The following OCA2 variants were observed in gnomAD, a reference collection of about 807,000 sequenced individuals.
OCA2 encodes P protein.
OCA2 carries 77 observed loss-of-function variants against 100.2 expected under a neutral mutation model. The ratio of observed to expected loss-of-function variants is 0.77; its 90% CI spans 0.64 to 0.93. OCA2 has a LOEUF of 0.93. Ranked by LOEUF, OCA2 falls within the 40% of genes least tolerant of loss-of-function variation. The pLI is 0.00. For missense variants in OCA2, 1,062 were observed against 1,089.1 expected, an observed-to-expected ratio of 0.98 and a Z score of 0.35; for synonymous variants, 432 against 439.2, an observed-to-expected ratio of 0.98 and a Z score of 0.21.
chr15:27,748,119 A>C, the OCA2 span, among the ~76,000 whole-genome samples: 2 of 152,218 alleles, frequency 1.3e-5, no homozygotes, highest in African/African-American at 4.8e-5. Flanking sequence ...ATACCAGGTC[A>C]GCCCAGAAGA....
In OCA2 at chr15:28,016,105, T is replaced by G. The variant is rs1002347290; in HGVS notation, c.889A>C (p.Arg297=). The G allele has an allele frequency of 2.5e-6, 4 of 1,613,556 alleles. No individual in the cohort carries two copies. Among genetic ancestry groups the G allele is most frequent in the Admixed American group, 1.7e-5 (1 of 60,004 alleles). The change falls in exon 8 of 24, where the codon AGA becomes CGA. Residue 297 remains arginine (R), a splice_region_variant and synonymous_variant. Transcript: ENST00000354638. ...ACACCTCACTCACTGAGAACTCACC[T>G]GGTCAGTACCTCAAAGGTCCTGCTC... ...VMSRTFEVLT[R]ETVSISIRAS...
chr15:27,790,746 G>C (rs11858694), intron 23 of OCA2, among the ~76,000 whole-genome samples: 41,893 of 151,390 alleles, frequency 0.28, 6,846 homozygotes, highest in Non-Finnish European at 0.37. Context: ...CACCTCAAAT[G>C]GTAAAATTTA....
chr15:28,047,898 G>A (rs2043392370), intron 2 of OCA2, among the ~76,000 whole-genome samples: 4 of 152,110 alleles, frequency 2.6e-5, no homozygotes, highest in Admixed American at 2.0e-4. Context: ...GAAAGCTACT[G>A]AGCTAATAAA....
At chr15:28,076,192 A>G (rs113162479) in intron 2 of OCA2, among the ~76,000 whole-genome samples, 60 of 152,242 alleles carry the variant, frequency 3.9e-4, no homozygotes, top group Non-Finnish European at 7.5e-4. Flanking sequence ...AAATGCAAGC[A>G]GACAGTAATG....
the OCA2 span, among the ~76,000 whole-genome samples, chr15:27,731,899 A>G: frequency 6.6e-6 from 1 of 152,248 alleles, no homozygotes; most frequent in Non-Finnish European, 1.5e-5. Flanking sequence ...TAAGCCATCA[A>G]TAAGCAAAAA....
At chr15:28,095,488 G>A (rs190860889) in intron 1 of OCA2, among the ~76,000 whole-genome samples, 11 of 152,222 alleles carry the variant, frequency 7.2e-5, no homozygotes, top group African/African-American at 2.6e-4. Context: ...AGACCAAGGC[G>A]GACGGATCAC....
At chr15:27,886,658 A>C (rs1774769213) in intron 19 of OCA2, among the ~76,000 whole-genome samples, 2 of 152,222 alleles carry the variant, frequency 1.3e-5, no homozygotes, top group South Asian at 4.1e-4. Context: ...AAATATTTTA[A>C]AGTTAGGTCC....
chr15:27,868,295 G>A (rs372645780), intron 21 of OCA2, among the ~76,000 whole-genome samples: 1 of 152,146 alleles, frequency 6.6e-6, no homozygotes, highest in South Asian at 2.1e-4. Flanking sequence ...GAATAGCCAA[G>A]ACATGGGAAA....
rs968837544 is a variant in OCA2, at chr15:28,024,825, G to A, written c.573+20C>T. 6.2e-7 allele frequency: 1 copy of A among 1,613,992 alleles called. No homozygotes were observed. Among genetic ancestry groups the A allele is most frequent in the Non-Finnish European group, 8.5e-7 (1 of 1,179,830 alleles). On this transcript the variant is annotated intron_variant, in intron 5 of 23. Transcript: ENST00000354638. ...CTTCCACGGACCCAACAGTAGTGCTGGGGCAGCTAAGGTACTCACAGAACA... is the reference window on the plus strand; with the variant it reads ...CTTCCACGGACCCAACAGTAGTGCTAGGGCAGCTAAGGTACTCACAGAACA...
intron 19 of OCA2, chr15:27,896,206 C>CT: frequency 1.1e-6 from 1 of 921,014 alleles, no homozygotes; most frequent in Admixed American, 1.7e-5. Flanking sequence ...AGAGGCTTGT[C>CT]TATCCCTCAC....
chr15:27,826,173 A>C (rs1439608767), intron 23 of OCA2, among the ~76,000 whole-genome samples: 1 of 152,216 alleles, frequency 6.6e-6, no homozygotes, highest in Non-Finnish European at 1.5e-5. Flanking sequence ...GTGTTCTGGG[A>C]GACAGTGGAA....
intron 2 of OCA2, among the ~76,000 whole-genome samples, chr15:28,076,817 G>A (rs1022079585): frequency 2.2e-5 from 3 of 135,244 alleles, no homozygotes; most frequent in African/African-American, 3.0e-5. Flanking sequence ...ACTGCAGTCC[G>A]CAGTCCGGCC....
At chr15:28,001,668 C>T (rs2041930261) in intron 9 of OCA2, among the ~76,000 whole-genome samples, 1 of 151,960 alleles carries the variant, frequency 6.6e-6, no homozygotes, top group Non-Finnish European at 1.5e-5. Flanking sequence ...AGAGAAACTT[C>T]CAAATGACTT....
chr15:28,014,793 C>T lies in OCA2; in HGVS notation c.1027G>A (p.Ala343Thr), dbSNP rs756251130. The T allele has an allele frequency of 3.4e-5, 55 of 1,613,564 alleles. 1 individual carries two copies. The South Asian group carries it at 4.4e-4, about 13-fold the overall frequency. ...AAAGTTACCTCAAATATGATCAGCG[C>T]GTAGACGCCCGCGAGGATGGCCGTC... is the stretch of plus-strand genomic sequence containing the variant. ...IATAILAGVY[A>T]LIIFEIVHRT... is the part of the protein sequence containing the mutation. Residue 343 changes from alanine (A) to threonine (T), a missense_variant, in exon 9 of 24, where the codon GCG (alanine) becomes ACG (threonine). By Grantham distance (58) the Ala-to-Thr change is moderately conservative. Transcript: ENST00000354638.
chr15:27,759,802 G>T (rs2030686803), intron 23 of OCA2, among the ~76,000 whole-genome samples: 1 of 152,088 alleles, frequency 6.6e-6, no homozygotes, highest in Non-Finnish European at 1.5e-5. Flanking sequence ...ATTCATGGAA[G>T]AACTAGAAAG....
In OCA2 at chr15:27,780,096, G is replaced by T. The variant is rs76764060; in HGVS notation, c.2433-24624C>A. 4.7e-3 allele frequency among the ~76,000 whole-genome samples: 711 copies of T among 152,290 alleles called. 5 individuals are homozygous for T. Among genetic ancestry groups the T allele is most frequent in the African/African-American group, 0.016 (676 of 41,550 alleles). ...ACTGAAAGCAGAGTTCTCTCAAAGA[G>T]ATTTTTTAATGTGTCTGATCCCTAC... On this transcript the variant is annotated intron_variant, in intron 23 of 23. Coordinates refer to ENST00000354638, the MANE Select transcript of OCA2 (RefSeq NM_000275.3).
At chr15:27,752,616 C>T (rs1447950431), downstream of OCA2, among the ~76,000 whole-genome samples, 1 of 152,170 alleles carries the variant, frequency 6.6e-6, no homozygotes, top group African/African-American at 2.4e-5. Flanking sequence ...TGGCTTCCAG[C>T]TAGCTCAGTC....
chr15:27,987,365 A>G (rs2041388595), intron 11 of OCA2, among the ~76,000 whole-genome samples: 1 of 152,170 alleles, frequency 6.6e-6, no homozygotes, highest in South Asian at 2.1e-4. Context: ...GGCAGTCACC[A>G]TGTGTTGAAC....
Position 27,890,491 on chromosome 15 carries a change from C to T in OCA2, c.2080-18569G>A, listed in dbSNP as rs138867780. 2.2e-3 allele frequency among the ~76,000 whole-genome samples: 332 copies of T among 152,258 alleles called. 1 individual carries two copies. The highest frequency in any genetic ancestry group is 7.5e-3 in the African/African-American group (310 of 41,552). ...GTACTATGCGTTACCTACAGGAAAA[C>T]ACAAATTCAAATGGCAGCAAATTTC... On this transcript the variant is annotated intron_variant, in intron 19 of 23. Transcript: ENST00000354638.
Sources: allele counts gnomAD v4.1 joint callset (sites outside exome capture counted in the v4.1 genomes callset), GRCh38; gene constraint gnomAD v4.1.1; transcripts MANE v1.5; gene names NCBI Gene and HGNC (gene_info 2026-07-23, HGNC 2026-07-21).